Variants in FUT8 observed in about 807,000 individuals in gnomAD.
FUT8 encodes fucosyltransferase 8, also known as alpha-(1,6)-fucosyltransferase.
Under a neutral mutation model 71.3 loss-of-function variants are expected in FUT8, and 29 were observed. The observed-to-expected ratio is 0.41, with a 90% confidence interval of 0.30 to 0.55. The LOEUF (loss-of-function observed/expected upper bound fraction) is 0.55. FUT8 is among the 20% of genes least tolerant of loss of function. The probability of loss-of-function intolerance (pLI) is 0.34; values close to 1 mark genes in which losing one functional copy is unlikely to be tolerated. For synonymous variants in FUT8, 254 were observed against 239.3 expected (o/e 1.06, Z -0.57); for missense variants, 544 against 702.1 (o/e 0.77, Z 2.55).
intron 2 of FUT8, among the ~76,000 whole-genome samples, chr14:65,547,834 T>C (rs1475742467): frequency 6.6e-6 from 1 of 151,928 alleles, no homozygotes; most frequent in Non-Finnish European, 1.5e-5. Context: ...GTAGCCATGG[T>C]ACATTCATCT....
intron 7 of FUT8, among the ~76,000 whole-genome samples, chr14:65,675,658 T>A (rs1892676975): frequency 6.6e-6 from 1 of 152,126 alleles, no homozygotes; most frequent in Admixed American, 6.5e-5. Context: ...TTCTAGGTTA[T>A]TTACACAGTG....
At chr14:65,633,978 G>A (rs572166815) in intron 6 of FUT8, among the ~76,000 whole-genome samples, 36 of 151,654 alleles carry the variant, frequency 2.4e-4, no homozygotes, top group African/African-American at 8.2e-4. Context: ...CGCCCCATCC[G>A]GGAGGTGAGG....
chr14:65,688,809 A>G (rs941929299), intron 7 of FUT8, among the ~76,000 whole-genome samples: 1 of 152,210 alleles, frequency 6.6e-6, no homozygotes, highest in African/African-American at 2.4e-5. Flanking sequence ...ACGGCTGTCT[A>G]TCTAGGCTGT....
rs1362645580 is a variant in FUT8, at chr14:65,611,253, A to G, written c.204-4725A>G. ...CACACACACACACACACACACACAC[A>G]CACACACACACACACACACACACAC... On this transcript the variant is annotated intron_variant, in intron 3 of 10. Transcript: ENST00000673929. 4.7e-5 allele frequency among the ~76,000 whole-genome samples: 3 copies of G among 64,050 alleles called. 1 individual carries two copies. The highest frequency in any genetic ancestry group is 1.9e-4 in the African/African-American group (2 of 10,356). 42.0% of individuals were successfully genotyped at this position (64,050 alleles called of 152,430 possible). A position where few individuals can be genotyped will look rare whatever the true frequency, so the allele number is the denominator to read the frequency against.
rs1465267874 is a variant in FUT8, at chr14:65,413,259, T to TTGGGC, written c.-326+53_-326+57dup. ...GCCGGGCCCCGCGCGCCTCGGGGTC[T>TTGGGC]TGGGCTGGGCTGCGCGCGGGATCTG... On this transcript the variant is annotated intron_variant, in intron 1 of 10. Coordinates refer to ENST00000673929, the MANE Select transcript of FUT8 (RefSeq NM_001371533.1). This position sits in a 1 kb window ranked among gnomAD's most constrained non-coding sequence, Gnocchi z 4.1. The TTGGGC allele has an allele frequency of 6.6e-6, 1 of 152,486 alleles. No homozygotes were observed. The highest frequency in any genetic ancestry group is 1.5e-5 in the Non-Finnish European group (1 of 68,228). 9.4% of individuals were successfully genotyped at this position (152,486 alleles called of 1,614,324 possible). A position where few individuals can be genotyped will look rare whatever the true frequency, so the allele number is the denominator to read the frequency against.
chr14:65,533,491 T>C (rs1469036422), intron 2 of FUT8, among the ~76,000 whole-genome samples: 1 of 152,212 alleles, frequency 6.6e-6, no homozygotes, highest in Non-Finnish European at 1.5e-5. Context: ...TAGTGATTTT[T>C]GTACATTTAA....
intron 3 of FUT8, among the ~76,000 whole-genome samples, chr14:65,585,310 C>T (rs758037438): frequency 1.2e-4 from 18 of 152,108 alleles, no homozygotes; most frequent in Non-Finnish European, 2.5e-4. Context: ...CCTCAGCCTC[C>T]CAAGCAGCTG....
intron 3 of FUT8, among the ~76,000 whole-genome samples, chr14:65,612,582 T>C (rs1158758035): frequency 6.6e-6 from 1 of 152,200 alleles, no homozygotes; most frequent in African/African-American, 2.4e-5. Context: ...TCCTCTACAG[T>C]TCTCTCTTAT....
intron 6 of FUT8, among the ~76,000 whole-genome samples, chr14:65,635,824 T>C (rs1890520566): frequency 6.6e-6 from 1 of 152,178 alleles, no homozygotes; most frequent in African/African-American, 2.4e-5. Flanking sequence ...TTCCTGGTTT[T>C]GGTATTAGGG....
At chr14:65,443,436 C>G (rs942893641) in intron 1 of FUT8, among the ~76,000 whole-genome samples, 4 of 146,122 alleles carry the variant, frequency 2.7e-5, no homozygotes, top group Admixed American at 1.4e-4. Context: ...TTTTGAAAAT[C>G]AAGGCTGGGT....
At chr14:65,481,326 ACTTT>A (rs2066327400) in intron 2 of FUT8, among the ~76,000 whole-genome samples, 1 of 152,070 alleles carries the variant, frequency 6.6e-6, no homozygotes, top group Non-Finnish European at 1.5e-5. Flanking sequence ...TTTTAGGGAT[ACTTT>A]TTAAAGATGC....
chr14:65,531,772 A>G (rs1210128106), intron 2 of FUT8, among the ~76,000 whole-genome samples: 3 of 151,580 alleles, frequency 2.0e-5, no homozygotes, highest in Non-Finnish European at 4.4e-5. Flanking sequence ...CCCTGCTTCC[A>G]CTCTCCACCC....
the FUT8 span, among the ~76,000 whole-genome samples, chr14:65,375,050 TAATA>T: frequency 6.6e-6 from 1 of 152,146 alleles, no homozygotes; most frequent in African/African-American, 2.4e-5. Context: ...CTTGAGTCAC[TAATA>T]AATAAACACA....
chr14:65,734,419 C>T (rs939519857), intron 10 of FUT8, among the ~76,000 whole-genome samples: 2 of 152,226 alleles, frequency 1.3e-5, no homozygotes, highest in East Asian at 3.9e-4. Flanking sequence ...GATACCTTGC[C>T]AGGCAAAGGT....
At chr14:65,736,398 C>T (rs1002323420) in intron 10 of FUT8, among the ~76,000 whole-genome samples, 2 of 151,162 alleles carry the variant, frequency 1.3e-5, no homozygotes, top group African/African-American at 4.9e-5. Context: ...GAGCATGAAA[C>T]GAGCTAGTCA....
intron 2 of FUT8, among the ~76,000 whole-genome samples, chr14:65,490,364 C>T (rs1050587224): frequency 1.3e-5 from 2 of 152,038 alleles, no homozygotes; most frequent in African/African-American, 4.8e-5. Context: ...TGATTTTTGT[C>T]AGCTGTGTCT....
At chr14:65,505,290 CA>C (rs1416045200) in intron 2 of FUT8, among the ~76,000 whole-genome samples, 1 of 145,766 alleles carries the variant, frequency 6.9e-6, no homozygotes, top group East Asian at 2.0e-4. Context: ...GAAACTATGT[CA>C]AGTACTACAT....
chr14:65,732,727 T>C (rs368036007), intron 9 of FUT8, among the ~76,000 whole-genome samples: 6 of 152,310 alleles, frequency 3.9e-5, no homozygotes. Flanking sequence ...TTCTCACAAA[T>C]TTTTAAAATA....
chr14:65,448,268 G>A (rs995730769), intron 1 of FUT8, among the ~76,000 whole-genome samples: 1 of 152,164 alleles, frequency 6.6e-6, no homozygotes, highest in African/African-American at 2.4e-5. Flanking sequence ...AGGGGGTGAT[G>A]AAAGCTTTGG....
Sources: allele counts gnomAD v4.1 joint callset (sites outside exome capture counted in the v4.1 genomes callset), GRCh38; gene constraint gnomAD v4.1.1; non-coding constraint Gnocchi (gnomAD v3.1); transcripts MANE v1.5; gene names NCBI Gene and HGNC (gene_info 2026-07-23, HGNC 2026-07-21).